TRPV4: variants seen among roughly 807,000 people sequenced by gnomAD.
TRPV4 encodes OSM9-like transient receptor potential channel 4.
Under a neutral mutation model 84.1 loss-of-function variants are expected in TRPV4, and 58 were observed. The observed-to-expected ratio is 0.69, with a 90% CI of 0.56 to 0.86. The LOEUF (loss-of-function observed/expected upper bound fraction) is 0.86. Ranked by LOEUF, TRPV4 falls within the 40% of genes least tolerant of loss-of-function variation. The probability of loss-of-function intolerance (pLI) is 0.00; values close to 1 mark genes in which losing one functional copy is unlikely to be tolerated. For missense variants in TRPV4, 879 were observed against 1,181.1 expected, an observed-to-expected ratio of 0.74 and a Z score of 3.75; for synonymous variants, 489 against 500.9, an observed-to-expected ratio of 0.98 and a Z score of 0.32.
intron 5 of TRPV4, among the ~76,000 whole-genome samples, chr12:109,800,234 C>T (rs1254172624): frequency 6.6e-6 from 1 of 152,152 alleles, no homozygotes; most frequent in African/African-American, 2.4e-5. Context: ...CATGAGCCAC[C>T]GTGCCCAGCC....
intron 4 of TRPV4, among the ~76,000 whole-genome samples, chr12:109,802,364 C>T (rs1440629928): frequency 2.0e-5 from 3 of 150,128 alleles, no homozygotes; most frequent in African/African-American, 4.9e-5. Flanking sequence ...TGCAATGGCG[C>T]GATATTGGCT....
chr12:109,784,335 G>C lies in TRPV4; in HGVS notation c.2439C>G (p.Thr813=). ...ACTCACCCCTGCGGAGGCGGCCCAC[G>C]GTATGCGAGAAGCCATAATACTGGT... ...ETYQYYGFSH[T]VGRLRRDRWS... Residue 813 remains threonine (T), a synonymous_variant, in exon 15 of 16, where the codon ACC becomes ACG. Transcript: ENST00000261740. 1.2e-6 allele frequency: 2 copies of C among 1,614,160 alleles called. No individual in the cohort carries two copies. Among genetic ancestry groups the C allele is most frequent in the East Asian group, 2.2e-5 (1 of 44,872 alleles).
intron 12 of TRPV4, among the ~76,000 whole-genome samples, chr12:109,791,475 C>A (rs1008269060): frequency 1.3e-5 from 2 of 151,104 alleles, no homozygotes; most frequent in Non-Finnish European, 2.9e-5. Flanking sequence ...TTGCCATTCA[C>A]CAGCTTTTTT....
Position 109,786,342 on chromosome 12 carries a change from T to A in TRPV4, c.2336+368A>T, listed in dbSNP as rs528167630. On this transcript the variant is annotated intron_variant, in intron 14 of 15. Transcript: ENST00000261740. The surrounding 1 kb of genome is among the most constrained non-coding windows in gnomAD (Gnocchi z 4.5). ...ACCCCACTGTTTGGTAGATACAGGG[T>A]GATGCTCTAAAATGAACCCACCATC... 5.1e-4 allele frequency among the ~76,000 whole-genome samples: 78 copies of A among 152,228 alleles called. No individual in the cohort carries two copies. Among genetic ancestry groups the A allele is most frequent in the African/African-American group, 1.8e-3 (75 of 41,546 alleles).
At chr12:109,790,160 C>T (rs10735104) in intron 12 of TRPV4, among the ~76,000 whole-genome samples, 72,434 of 152,000 alleles carry the variant, frequency 0.48, 17,782 homozygotes, top group East Asian at 0.76. Flanking sequence ...AACTACAATT[C>T]CACTTCCCAC....
rs1889487868 is a variant in TRPV4 at position 109,783,711 on chromosome 12, C to T, written c.2526G>A (p.Val842=). The T allele has an allele frequency of 1.2e-6, 2 of 1,613,702 alleles. No homozygotes were observed. The highest frequency in any genetic ancestry group is 2.7e-5 in the African/African-American group (2 of 74,906). The change falls in exon 16 of 16, where the codon GTG becomes GTA. Residue 842 remains valine, a synonymous_variant. Coordinates refer to ENST00000261740, the MANE Select transcript of TRPV4 (RefSeq NM_021625.5). The surrounding 1 kb of genome is among the most constrained non-coding windows in gnomAD (Gnocchi z 4.6). ...LNKNSNPDEV[V]VPLDSMGNPR... is the part of the protein sequence containing the mutation. ...GGTTCCCCATGCTGTCCAGAGGCAC[C>T]ACCACCTCGTCCGGGTTCGAGTTCT...
chr12:109,806,756 G>A (rs995457196), intron 3 of TRPV4, among the ~76,000 whole-genome samples: 3 of 150,644 alleles, frequency 2.0e-5, no homozygotes, highest in African/African-American at 4.9e-5. Context: ...AACTACTCTC[G>A]AGGCCGAAGC....
In TRPV4 at chr12:109,793,928, A is replaced by T; in HGVS notation, c.1584+2T>A. ...TGGGGGGCACGGGGGCCAGGCACTT[A>T]CGTTGGTGAAGAAGAACAGGACCCC... On this transcript the variant is annotated splice_donor_variant, in intron 9 of 15. Coordinates refer to ENST00000261740, the MANE Select transcript of TRPV4 (RefSeq NM_021625.5). LOFTEE classifies it high-confidence loss of function. This position sits in a 1 kb window ranked among gnomAD's most constrained non-coding sequence, Gnocchi z 4.0. The T allele has an allele frequency of 3.7e-6, 6 of 1,606,510 alleles. No homozygotes were observed. The highest frequency in any genetic ancestry group is 4.2e-6 in the Non-Finnish European group (5 of 1,177,170).
chr12:109,789,678 A>G (rs1235853623), intron 12 of TRPV4, among the ~76,000 whole-genome samples: 1 of 152,236 alleles, frequency 6.6e-6, no homozygotes, highest in East Asian at 1.9e-4. Flanking sequence ...ACTCAGTCCC[A>G]TCAGTCAGTG....
At chr12:109,813,282 G>A (rs866300407) in intron 2 of TRPV4, among the ~76,000 whole-genome samples, 6 of 152,088 alleles carry the variant, frequency 3.9e-5, no homozygotes, top group South Asian at 2.1e-4. Context: ...GTGTGGTGGC[G>A]GGTGCCTGTA....
At chr12:109,824,826 G>A (rs371239350) in intron 1 of TRPV4, among the ~76,000 whole-genome samples, 6 of 152,154 alleles carry the variant, frequency 3.9e-5, no homozygotes, top group East Asian at 1.9e-4. Context: ...TCACAGCCAC[G>A]GAGAACTCCA....
rs1423138633 is a variant in TRPV4 at position 109,788,446 on chromosome 12, G to C, written c.2162C>G (p.Thr721Arg). 4 of 1,614,078 alleles carry C rather than the reference G, an allele frequency of 2.5e-6. No homozygotes were observed. The highest frequency in any genetic ancestry group is 1.7e-5 in the Admixed American group (1 of 60,010). ...GCTCTCCTTGGAGACCTGGCCCACT[G>C]TCTCGCCCATGAGGGCAATGAGCAT... Reference protein sequence around the residue: ...LNMLIALMGETVGQVSKESKH... With the variant: ...LNMLIALMGERVGQVSKESKH... Residue 721 changes from threonine (T) to arginine (R), a missense_variant, in exon 13 of 16, where the codon ACA becomes AGA. By Grantham distance (71) the Thr-to-Arg change is moderately conservative. This residue lies in a region of TRPV4 where 242 missense variants were observed against 355.3 expected (regional missense o/e 0.68). Coordinates refer to ENST00000261740, the MANE Select transcript of TRPV4 (RefSeq NM_021625.5).
chr12:109,803,073 G>A lies in TRPV4; in HGVS notation c.630C>T (p.Ile210=), dbSNP rs755447747. ...LNLSNGRNDT[I]PVLLDIAERT... is the part of the protein sequence containing the mutation. ...GCTCCGCGATGTCCAGCAGCACAGG[G>A]ATGGTGTCGTTGCGGCCATTGCTCA... The change falls in exon 4 of 16, where the codon ATC becomes ATT. Residue 210 remains isoleucine, a synonymous_variant. Coordinates refer to ENST00000261740, the MANE Select transcript of TRPV4 (RefSeq NM_021625.5). 6 of 1,614,092 alleles carry A rather than the reference G, an allele frequency of 3.7e-6. No individual in the cohort carries two copies. The East Asian group carries it at 6.7e-5, about 18-fold the overall frequency.
At chr12:109,808,734 TC>T (rs1891304241) in intron 2 of TRPV4, among the ~76,000 whole-genome samples, 1 of 151,876 alleles carries the variant, frequency 6.6e-6, no homozygotes, top group African/African-American at 2.4e-5. Flanking sequence ...CATCCACACA[TC>T]CACTCACCGA....
chr12:109,796,806 CG>C lies in TRPV4; in HGVS notation c.1153-103del. 1.6e-6 allele frequency: 2 copies of C among 1,234,222 alleles called. No homozygotes were observed. The highest frequency in any genetic ancestry group is 2.2e-6 in the Non-Finnish European group (2 of 900,582). 76.5% of individuals were successfully genotyped at this position (1,234,222 alleles called of 1,614,324 possible). The stretch of plus-strand genomic sequence containing the variant: ...GCCTCCCCAGAAAACAGCTAAGCAC[CG>C]GCTGCTGGAGGACCCTTTCCTCATC... On this transcript the variant is annotated intron_variant, in intron 6 of 15. Coordinates refer to ENST00000261740, the MANE Select transcript of TRPV4 (RefSeq NM_021625.5). The surrounding 1 kb of genome is among the most constrained non-coding windows in gnomAD (Gnocchi z 4.2).
At chr12:109,830,588 A>T (rs1892383365) in intron 1 of TRPV4, among the ~76,000 whole-genome samples, 1 of 152,214 alleles carries the variant, frequency 6.6e-6, no homozygotes, top group Non-Finnish European at 1.5e-5. Flanking sequence ...GCCCACTGGC[A>T]TGAAATAAAT....
At chr12:109,789,314 C>T (rs1261580372) in intron 12 of TRPV4, among the ~76,000 whole-genome samples, 8 of 152,140 alleles carry the variant, frequency 5.3e-5, no homozygotes, top group Admixed American at 3.9e-4. Flanking sequence ...GTCCCCGCCA[C>T]GAAGAATGAT....
In TRPV4 at chr12:109,796,497, A is replaced by G. The variant is rs2136501640; in HGVS notation, c.1332+28T>C. 6.2e-7 allele frequency: 1 copy of G among 1,611,050 alleles called. No individual in the cohort carries two copies. Among genetic ancestry groups the G allele is most frequent in the Non-Finnish European group, 8.5e-7 (1 of 1,179,070 alleles). The stretch of plus-strand genomic sequence containing the variant: ...CTCCCAGCCCTGCCCCTCCTTCCTC[A>G]CACCCCATGCCCCCTCCTGGAGCCC... On this transcript the variant is annotated intron_variant, in intron 7 of 15. Transcript: ENST00000261740. The surrounding 1 kb of genome is among the most constrained non-coding windows in gnomAD (Gnocchi z 4.2).
At position 109,796,757 on chromosome 12, in the gene TRPV4, G is replaced by A; in HGVS notation, c.1153-53C>T. Reference sequence around the variant, plus strand: ...GGCTCACACTGGAAAGACCCCCAGGGCTGGGCCCAGCTCAGCACATGACGC... The same window carrying A: ...GGCTCACACTGGAAAGACCCCCAGGACTGGGCCCAGCTCAGCACATGACGC... On this transcript the variant is annotated intron_variant, in intron 6 of 15. Coordinates refer to ENST00000261740, the MANE Select transcript of TRPV4 (RefSeq NM_021625.5). The surrounding 1 kb of genome is among the most constrained non-coding windows in gnomAD (Gnocchi z 4.2). 6.4e-7 allele frequency: 1 copy of A among 1,564,326 alleles called. No individual in the cohort carries two copies. The highest frequency in any genetic ancestry group is 8.7e-7 in the Non-Finnish European group (1 of 1,153,648).
Sources: allele counts gnomAD v4.1 joint callset (sites outside exome capture counted in the v4.1 genomes callset), GRCh38; gene constraint gnomAD v4.1.1; regional missense constraint gnomAD v4.1.1; non-coding constraint Gnocchi (gnomAD v3.1); transcripts MANE v1.5; gene names NCBI Gene and HGNC (gene_info 2026-07-23, HGNC 2026-07-21).